Variants in PTPRA observed in about 807,000 individuals in gnomAD.
PTPRA encodes the protein protein tyrosine phosphatase receptor type A, also known as receptor-type tyrosine-protein phosphatase alpha.
PTPRA carries 25 observed loss-of-function variants against 104.8 expected under a neutral mutation model. The observed-to-expected ratio is 0.24, with a 90% CI of 0.17 to 0.33. The LOEUF is 0.33. Ranked by LOEUF, PTPRA falls within the 10% of genes least tolerant of loss-of-function variation. The pLI is 1.00. For missense variants in PTPRA, 765 were observed against 1,015.3 expected (o/e 0.75, Z 3.35); for synonymous variants, 323 against 368.9 (o/e 0.88, Z 1.43).
intron 20 of PTPRA, among the ~76,000 whole-genome samples, chr20:3,033,923 C>T (rs955876690): frequency 3.6e-5 from 5 of 140,830 alleles, no homozygotes; most frequent in African/African-American, 1.1e-4. Flanking sequence ...AAAAAAAATC[C>T]TCTTTGGTCT....
intron 1 of PTPRA, among the ~76,000 whole-genome samples, chr20:2,904,925 A>G (rs1010034596): frequency 2.6e-5 from 4 of 152,206 alleles, no homozygotes; most frequent in African/African-American, 9.7e-5. Context: ...ACTATATTCA[A>G]ATAATCACCA....
intron 1 of PTPRA, among the ~76,000 whole-genome samples, chr20:2,882,980 T>C (rs2090146022): frequency 6.8e-6 from 1 of 147,612 alleles, no homozygotes; most frequent in Non-Finnish European, 1.5e-5. Flanking sequence ...CAACACTTTT[T>C]TTTTTTTTTT....
In PTPRA at chr20:2,996,427, CAT is replaced by C. The variant is rs1600228827; in HGVS notation, c.738+7955_738+7956del. Reference sequence around the variant, plus strand: ...AAACAAACCAATTTGTGTCTACTGTCATAGAATAATATTTTTAGTAACCATCA... The same window carrying C: ...AAACAAACCAATTTGTGTCTACTGTCAGAATAATATTTTTAGTAACCATCA... On this transcript the variant is annotated intron_variant, in intron 9 of 23. Coordinates refer to ENST00000399903, the MANE Select transcript of PTPRA (RefSeq NM_001385305.1). Among the ~76,000 whole-genome samples the C allele has an allele frequency of 2.0e-5, 3 of 152,302 alleles. No homozygotes were observed. In the East Asian group the frequency reaches 5.8e-4, roughly 29 times the overall value.
At chr20:2,980,837 C>A (rs1044389050) in intron 6 of PTPRA, among the ~76,000 whole-genome samples, 1 of 152,214 alleles carries the variant, frequency 6.6e-6, no homozygotes, top group African/African-American at 2.4e-5. Context: ...ATGCCCTGGA[C>A]CATTGAGTGG....
intron 9 of PTPRA, among the ~76,000 whole-genome samples, chr20:2,988,679 CCATT>C (rs2063010806): frequency 6.6e-6 from 1 of 152,224 alleles, no homozygotes; most frequent in Non-Finnish European, 1.5e-5. Flanking sequence ...ATCTACCCAT[CCATT>C]CAGTCATCAT....
chr20:3,028,620 C>G (rs2065263977), intron 20 of PTPRA, among the ~76,000 whole-genome samples: 1 of 152,198 alleles, frequency 6.6e-6, no homozygotes, highest in African/African-American at 2.4e-5. Flanking sequence ...AAAATTATTT[C>G]TGTTGAGGTT....
rs577173152 is a variant in PTPRA at position 3,030,127 on chromosome 20, C to T, written c.1920+2286C>T. ...CGAGCACAAGGACCATCTCGGCCCACTGCCCTGTGATAAAATGTGGCCCAG... is the reference window on the plus strand; with the variant it reads ...CGAGCACAAGGACCATCTCGGCCCATTGCCCTGTGATAAAATGTGGCCCAG... On this transcript the variant is annotated intron_variant, in intron 20 of 23. Coordinates refer to ENST00000399903, the MANE Select transcript of PTPRA (RefSeq NM_001385305.1). Among the ~76,000 whole-genome samples, 11 of 152,334 alleles carry T rather than the reference C, an allele frequency of 7.2e-5. No individual in the cohort carries two copies. In the South Asian group the frequency reaches 2.1e-3, roughly 29 times the overall value.
chr20:2,869,859 T>A (rs1393361765), upstream of PTPRA, among the ~76,000 whole-genome samples: 1 of 151,306 alleles, frequency 6.6e-6, no homozygotes, highest in African/African-American at 2.4e-5. Flanking sequence ...CCCAGCTACT[T>A]GGGAGGCTGA....
At chr20:2,920,781 G>C (rs1452576602) in intron 1 of PTPRA, among the ~76,000 whole-genome samples, 1 of 151,898 alleles carries the variant, frequency 6.6e-6, no homozygotes, top group Non-Finnish European at 1.5e-5. Flanking sequence ...GGGAGGAAAG[G>C]GGGGAAAGTG....
intron 11 of PTPRA, among the ~76,000 whole-genome samples, chr20:3,013,314 A>C (rs1185327915): frequency 6.6e-6 from 1 of 152,192 alleles, no homozygotes; most frequent in African/African-American, 2.4e-5. Flanking sequence ...TCACAGGAGG[A>C]GATGAAACAG....
chr20:2,976,275 G>C (rs2148034541), intron 6 of PTPRA, among the ~76,000 whole-genome samples: 1 of 152,280 alleles, frequency 6.6e-6, no homozygotes, highest in East Asian at 1.9e-4. Context: ...ACTTAAATAG[G>C]TTTTATTGTG....
In PTPRA at chr20:2,964,472, A is replaced by G. The variant is rs1057469903; in HGVS notation, c.73+122A>G. ...GAATATAAAAATTTTATTCAAAGTG[A>G]TGGTAAAATAGGTGTCTTCAGAAAT... On this transcript the variant is annotated intron_variant, in intron 4 of 23. Transcript: ENST00000399903. The G allele has an allele frequency of 2.7e-5, 23 of 838,160 alleles. No homozygotes were observed. In the African/African-American group the frequency reaches 3.8e-4, roughly 14 times the overall value. The allele number at this position is 838,160 out of a possible 1,614,324, so 51.9% of individuals were successfully genotyped here.
chr20:2,922,632 G>T (rs574995339), intron 1 of PTPRA, among the ~76,000 whole-genome samples: 1 of 150,952 alleles, frequency 6.6e-6, no homozygotes, highest in Admixed American at 6.6e-5. Context: ...ATGAGCCACC[G>T]CACCTGGCCT....
Position 2,931,487 on chromosome 20 carries a change from G to A in PTPRA, c.-50+8202G>A, listed in dbSNP as rs557836297. Among the ~76,000 whole-genome samples the A allele has an allele frequency of 2.2e-4, 33 of 152,262 alleles. No individual in the cohort carries two copies. The South Asian group carries it at 2.7e-3, about 12-fold the overall frequency. ...AGAATGGTGATGTATGTTCAGAAGT[G>A]AGATAATGGAGGTGATAATCAAAAC... On this transcript the variant is annotated intron_variant, in intron 2 of 23. Transcript: ENST00000399903.
chr20:2,923,801 AAAAAAT>A (rs1464746619), intron 2 of PTPRA, among the ~76,000 whole-genome samples: 3 of 152,174 alleles, frequency 2.0e-5, no homozygotes, highest in Non-Finnish European at 4.4e-5. Context: ...CTCCTTCTCA[AAAAAAT>A]AAAAATAAAA....
intron 14 of PTPRA, 132 bp downstream of exon 14, chr20:3,021,560 C>A: frequency 7.7e-7 from 1 of 1,293,274 alleles, no homozygotes; most frequent in East Asian, 2.6e-5. Flanking sequence ...ACCAGATATC[C>A]GGGCTCAGGG....
rs892988569 is a variant in PTPRA, at chr20:2,968,588, C to A, written c.415+3386C>A. On this transcript the variant is annotated intron_variant, in intron 5 of 23. Transcript: ENST00000399903. ...TTTAAAATTTTTCCTTTCTGTTGAT[C>A]TTTGCTTTGAGTCTTTTTCTCCTTT... Among the ~76,000 whole-genome samples, 27 of 145,976 alleles carry A rather than the reference C, an allele frequency of 1.8e-4. 1 individual carries two copies. The highest frequency in any genetic ancestry group is 7.1e-4 in the African/African-American group (27 of 38,042).
intron 3 of PTPRA, among the ~76,000 whole-genome samples, chr20:2,951,753 G>A (rs1237094910): frequency 6.6e-6 from 1 of 152,186 alleles, no homozygotes; most frequent in Non-Finnish European, 1.5e-5. Flanking sequence ...GCATGGCATG[G>A]TGTGCACCTT....
chr20:2,897,615 TGACCTCA>T (rs950607326), intron 1 of PTPRA, among the ~76,000 whole-genome samples: 4 of 152,086 alleles, frequency 2.6e-5, no homozygotes, highest in Non-Finnish European at 4.4e-5. Flanking sequence ...CTTGAACTCT[TGACCTCA>T]GATGATCTGC....
Sources: gnomAD v4.1 joint callset for allele counts (sites outside exome capture counted in the v4.1 genomes callset) on GRCh38, gnomAD v4.1.1 for gene constraint, MANE v1.5 for transcripts, NCBI Gene and HGNC (gene_info 2026-07-23, HGNC 2026-07-21) for gene names.